Variants in RNF10 observed in about 807,000 individuals in gnomAD.
The protein encoded by RNF10 is E3 ubiquitin-protein ligase RNF10.
Under a neutral mutation model 91.4 loss-of-function variants are expected in RNF10, and 38 were observed. The observed-to-expected ratio is 0.42, with a 90% CI of 0.32 to 0.54. The LOEUF (loss-of-function observed/expected upper bound fraction) is 0.54. Ranked by LOEUF, RNF10 falls within the 20% of genes least tolerant of loss-of-function variation. RNF10 has a pLI of 0.16. For missense variants in RNF10, 945 were observed against 1,012.0 expected (o/e 0.93, Z 0.90); for synonymous variants, 364 against 366.3 (o/e 0.99, Z 0.07).
At position 120,546,547 on chromosome 12, in the gene RNF10, C is replaced by G. The variant is rs765908876; in HGVS notation, c.300C>G (p.Gly100=). 6.2e-7 allele frequency: 1 copy of G among 1,614,008 alleles called. No homozygotes were observed. The change falls in exon 2 of 17, where the codon GGC becomes GGG. Residue 100 remains glycine, a synonymous_variant. Transcript: ENST00000325954. The stretch of plus-strand genomic sequence containing the variant: ...TTAACAAGATGCCTCCTCAAAGGGG[C>G]GGCGGCAGCAGCAAACTCTTTAGCT... ...KTFNKMPPQR[G]GGSSKLFSSS...
At chr12:120,542,373 C>G (rs574767737) in intron 1 of RNF10, among the ~76,000 whole-genome samples, 1 of 152,088 alleles carries the variant, frequency 6.6e-6, no homozygotes, top group Non-Finnish European at 1.5e-5. Context: ...AGGCTGGTCG[C>G]AAACTCGTGG....
chr12:120,536,895 CAACTT>C (rs1396521010), intron 1 of RNF10, among the ~76,000 whole-genome samples: 3 of 152,078 alleles, frequency 2.0e-5, no homozygotes, highest in Non-Finnish European at 2.9e-5. Flanking sequence ...AAGCTTGTGA[CAACTT>C]AAAATAAAAC....
chr12:120,552,324 T>A (rs1873226004), intron 2 of RNF10, among the ~76,000 whole-genome samples, 175 bp from the exon 3 acceptor site: 1 of 151,212 alleles, frequency 6.6e-6, no homozygotes, highest in African/African-American at 2.4e-5. Flanking sequence ...CACTTGAACC[T>A]GGGAGGCAGA....
chr12:120,535,950 G>A (rs556896463), intron 1 of RNF10, among the ~76,000 whole-genome samples: 1 of 152,314 alleles, frequency 6.6e-6, no homozygotes, highest in Admixed American at 6.5e-5. Flanking sequence ...TAGAGTCCCG[G>A]TGTTCTTCAT....
intron 3 of RNF10, 57 bp from the exon 4 acceptor site, chr12:120,554,661 G>C (rs1261963046): frequency 1.3e-5 from 18 of 1,335,692 alleles, no homozygotes; most frequent in Non-Finnish European, 1.9e-5. Flanking sequence ...AATTTCTGCT[G>C]AGGGTTTATT....
rs779384041 is a variant in RNF10, at chr12:120,546,410, A to C, written c.163A>C (p.Lys55Gln). 1.0e-4 allele frequency: 161 copies of C among 1,605,916 alleles called. No individual in the cohort carries two copies. Among genetic ancestry groups the C allele is most frequent in the Non-Finnish European group, 1.4e-4 (159 of 1,176,732 alleles). Residue 55 changes from lysine (K) to glutamine (Q), a missense_variant, in exon 2 of 17, where the codon AAG becomes CAG. Lys to Gln is a moderately conservative substitution (Grantham distance 53, BLOSUM62 1). Transcript: ENST00000325954. Reference protein sequence around the residue: ...AGESKPKSDGKNSSGSKRYNR... With the variant: ...AGESKPKSDGQNSSGSKRYNR... ...TTTGTGTTTCTTGCTTTCAGATGGA[A>C]AGAACTCCAGTGGATCCAAGCGTTA...
intron 2 of RNF10, among the ~76,000 whole-genome samples, chr12:120,547,572 G>A (rs1872512692): frequency 2.0e-5 from 3 of 152,200 alleles, no homozygotes; most frequent in Non-Finnish European, 4.4e-5. Flanking sequence ...GGGATTACAG[G>A]CATGAGCCAC....
chr12:120,573,937 C>G (rs747873640), intron 14 of RNF10, among the ~76,000 whole-genome samples: 1 of 152,194 alleles, frequency 6.6e-6, no homozygotes, highest in African/African-American at 2.4e-5. Flanking sequence ...GATCCAGTGG[C>G]AGACATCACT....
At chr12:120,573,756 G>A (rs1304928722) in intron 14 of RNF10, among the ~76,000 whole-genome samples, 2 of 152,086 alleles carry the variant, frequency 1.3e-5, no homozygotes, top group Non-Finnish European at 2.9e-5. Flanking sequence ...GTGCCAGGCC[G>A]TTTTAAACAA....
intron 14 of RNF10, among the ~76,000 whole-genome samples, chr12:120,574,276 C>T (rs1374705648): frequency 2.0e-5 from 3 of 152,232 alleles, no homozygotes; most frequent in Non-Finnish European, 4.4e-5. Context: ...AAGGACAAGG[C>T]ATCCCTGCTT....
At chr12:120,572,123 G>A (rs970070398) in intron 14 of RNF10, among the ~76,000 whole-genome samples, 3 of 148,970 alleles carry the variant, frequency 2.0e-5, no homozygotes, top group Admixed American at 6.8e-5. Flanking sequence ...CTGGAGTTCC[G>A]TGGCGCGATC....
At chr12:120,570,250 G>A (rs1479734446) in intron 13 of RNF10, 3 of 142,320 alleles carry the variant, frequency 2.1e-5, no homozygotes, top group African/African-American at 5.2e-5. Context: ...ACAATGGCAC[G>A]ATCTCGGTTC....
At chr12:120,553,843 G>A (rs1285966550) in intron 3 of RNF10, 3 of 151,480 alleles carry the variant, frequency 2.0e-5, no homozygotes, top group Non-Finnish European at 4.4e-5. Flanking sequence ...CTAGACTGAA[G>A]TAACCGTTTT....
In RNF10 at chr12:120,546,427, C is replaced by A; in HGVS notation, c.180C>A (p.Ser60=). The change falls in exon 2 of 17, where the codon TCC becomes TCA. Residue 60 remains serine (S), a synonymous_variant. Transcript: ENST00000325954. The stretch of plus-strand genomic sequence containing the variant: ...CAGATGGAAAGAACTCCAGTGGATC[C>A]AAGCGTTATAATCGCAAACGTGAAC... ...PKSDGKNSSG[S]KRYNRKRELS... The A allele has an allele frequency of 6.2e-7, 1 of 1,613,006 alleles. No homozygotes were observed. The highest frequency in any genetic ancestry group is 8.5e-7 in the Non-Finnish European group (1 of 1,179,648).
At chr12:120,576,537 G>C in intron 16 of RNF10, 53 bp from the exon 17 acceptor site, 1 of 1,590,672 alleles carries the variant, frequency 6.3e-7, no homozygotes, top group Non-Finnish European at 8.6e-7. Flanking sequence ...AAACTGGCCA[G>C]GGGACAAGGG....
intron 1 of RNF10, among the ~76,000 whole-genome samples, chr12:120,542,392 G>C (rs1347704136): frequency 6.6e-6 from 1 of 152,062 alleles, no homozygotes; most frequent in African/African-American, 2.4e-5. Context: ...GGACTCAAGT[G>C]ATCCTCTTGC....
At chr12:120,572,192 G>A (rs966640743) in intron 14 of RNF10, among the ~76,000 whole-genome samples, 3 of 151,444 alleles carry the variant, frequency 2.0e-5, no homozygotes, top group African/African-American at 4.8e-5. Flanking sequence ...TCAGCCTCCC[G>A]AGTAGCTGGG....
chr12:120,558,696 G>A (rs1039175318), intron 6 of RNF10, among the ~76,000 whole-genome samples: 1 of 150,982 alleles, frequency 6.6e-6, no homozygotes, highest in South Asian at 2.1e-4. Flanking sequence ...AGCCTCCCGA[G>A]TAGCTGGGAC....
At chr12:120,555,056 C>T (rs1052385654) in intron 4 of RNF10, among the ~76,000 whole-genome samples, 2 of 152,142 alleles carry the variant, frequency 1.3e-5, no homozygotes, top group African/African-American at 4.8e-5. Context: ...AAGTAGTAAC[C>T]CCTTACCCTC....
Sources: allele counts gnomAD v4.1 joint callset (sites outside exome capture counted in the v4.1 genomes callset), GRCh38; gene constraint gnomAD v4.1.1; transcripts MANE v1.5; gene names NCBI Gene and HGNC (gene_info 2026-07-23, HGNC 2026-07-21).